The following ERBB4 variants were observed in gnomAD, a reference collection of about 807,000 sequenced individuals.
The protein encoded by ERBB4 is erb-b2 receptor tyrosine kinase 4.
A neutral mutation model predicts 158.0 loss-of-function variants in ERBB4; 42 were observed. That is an observed-to-expected ratio of 0.27 (90% CI 0.21 to 0.34). ERBB4 has a LOEUF of 0.34. Ranked by LOEUF, ERBB4 falls within the 10% of genes least tolerant of loss-of-function variation. ERBB4 has a pLI of 1.00. For missense variants in ERBB4, 1,333 were observed against 1,624.1 expected (o/e 0.82, Z 3.08); for synonymous variants, 583 against 558.7 (o/e 1.04, Z -0.61).
intron 1 of ERBB4, among the ~76,000 whole-genome samples, chr2:212,226,285 C>T (rs2083465879): frequency 6.6e-6 from 1 of 152,078 alleles, no homozygotes; most frequent in Admixed American, 6.6e-5. Flanking sequence ...AAGAGGACAT[C>T]AGTCACCAGA....
intron 4 of ERBB4, among the ~76,000 whole-genome samples, chr2:211,773,627 T>TA (rs2075783349): frequency 1.9e-5 from 1 of 52,284 alleles, no homozygotes; most frequent in South Asian, 5.2e-4. Flanking sequence ...TATATATATA[T>TA]ATATATATAT....
chr2:212,470,173 T>G (rs1689044509), intron 1 of ERBB4, among the ~76,000 whole-genome samples: 2 of 152,152 alleles, frequency 1.3e-5, no homozygotes, highest in African/African-American at 4.8e-5. Flanking sequence ...TTATTTGTTG[T>G]CACCCATACC....
intron 2 of ERBB4, among the ~76,000 whole-genome samples, chr2:212,087,767 T>A (rs1275012151): frequency 6.6e-6 from 1 of 152,138 alleles, no homozygotes; most frequent in Admixed American, 6.6e-5. Context: ...AATAACATTC[T>A]ACATTTTTAA....
intron 1 of ERBB4, among the ~76,000 whole-genome samples, chr2:212,306,509 C>T (rs1371623839): frequency 2.0e-5 from 3 of 151,398 alleles, no homozygotes; most frequent in Non-Finnish European, 4.4e-5. Flanking sequence ...AATGAAATTG[C>T]ATTTTCATCC....
intron 20 of ERBB4, among the ~76,000 whole-genome samples, chr2:211,528,567 T>C (rs1228476150): frequency 6.6e-6 from 1 of 152,030 alleles, no homozygotes; most frequent in Non-Finnish European, 1.5e-5. Context: ...ATTCCTTTCC[T>C]CAGCATACAA....
chr2:212,001,928 T>C (rs1385091399), intron 2 of ERBB4, among the ~76,000 whole-genome samples: 3 of 152,198 alleles, frequency 2.0e-5, no homozygotes, highest in Non-Finnish European at 4.4e-5. Context: ...TTCATATTAA[T>C]AGCGTGACCA....
At chr2:211,589,193 A>T (rs1431482256) in intron 19 of ERBB4, among the ~76,000 whole-genome samples, 5 of 152,154 alleles carry the variant, frequency 3.3e-5, no homozygotes, top group Non-Finnish European at 5.9e-5. Flanking sequence ...CATAATATGA[A>T]CAAAATGTTC....
intron 2 of ERBB4, among the ~76,000 whole-genome samples, chr2:211,978,396 G>GTCTTTCTGTCTA (rs77259627): frequency 7.3e-6 from 1 of 136,560 alleles, no homozygotes; most frequent in African/African-American, 2.8e-5. Flanking sequence ...CTGTCTGTCT[G>GTCTTTCTGTCTA]TCTATCTATC....
At chr2:211,798,595 A>C (rs1483583969) in intron 3 of ERBB4, among the ~76,000 whole-genome samples, 9 of 152,116 alleles carry the variant, frequency 5.9e-5, no homozygotes, top group African/African-American at 2.2e-4. Context: ...GCTATTTCAA[A>C]ATAAGTTAAT....
intron 19 of ERBB4, among the ~76,000 whole-genome samples, chr2:211,598,635 T>C (rs943820733): frequency 2.6e-5 from 4 of 152,226 alleles, no homozygotes; most frequent in African/African-American, 9.6e-5. Context: ...AAATCTATTT[T>C]ATTTCTTATT....
chr2:212,153,003 A>C (rs1227133958), intron 1 of ERBB4, among the ~76,000 whole-genome samples: 4 of 152,200 alleles, frequency 2.6e-5, no homozygotes, highest in African/African-American at 9.6e-5. Context: ...AGAGACACTT[A>C]AGGAAAATGG....
At chr2:212,039,469 T>C (rs17415606) in intron 2 of ERBB4, among the ~76,000 whole-genome samples, 12,226 of 152,230 alleles carry the variant, frequency 0.08, 693 homozygotes, top group Non-Finnish European at 0.12. Context: ...TCTTTCATTA[T>C]AGATTGAGGA....
At chr2:212,230,759 T>C (rs1034431474) in intron 1 of ERBB4, among the ~76,000 whole-genome samples, 3 of 152,184 alleles carry the variant, frequency 2.0e-5, no homozygotes, top group African/African-American at 7.2e-5. Flanking sequence ...TCTACTGACA[T>C]AACTATTTAA....
intron 12 of ERBB4, among the ~76,000 whole-genome samples, chr2:211,684,092 A>T (rs2072465677): frequency 6.6e-6 from 1 of 152,068 alleles, no homozygotes; most frequent in African/African-American, 2.4e-5. Flanking sequence ...TATTCCATCT[A>T]TCTATGAAAC....
chr2:212,517,620 C>G (rs1185849688), intron 1 of ERBB4, among the ~76,000 whole-genome samples: 11 of 152,072 alleles, frequency 7.2e-5, no homozygotes. Context: ...TTCTTTCATT[C>G]TCTTCTTTCT....
chr2:212,131,478 T>G (rs564616377), intron 1 of ERBB4, among the ~76,000 whole-genome samples: 2 of 152,150 alleles, frequency 1.3e-5, no homozygotes, highest in Non-Finnish European at 2.9e-5. Context: ...AGTACCGGGT[T>G]TCCAAACATT....
chr2:212,446,095 T>C (rs192367583), intron 1 of ERBB4, among the ~76,000 whole-genome samples: 1 of 152,292 alleles, frequency 6.6e-6, no homozygotes, highest in Non-Finnish European at 1.5e-5. Context: ...GTATGAAGGA[T>C]AGTTGTATTA....
chr2:211,747,050 C>A (rs1036574186), intron 5 of ERBB4, among the ~76,000 whole-genome samples: 1 of 151,980 alleles, frequency 6.6e-6, no homozygotes, highest in Admixed American at 6.6e-5. Context: ...CAATAACATA[C>A]GTAGTTCAAA....
intron 1 of ERBB4, among the ~76,000 whole-genome samples, chr2:212,195,785 T>C (rs1049999880): frequency 6.6e-6 from 1 of 152,150 alleles, no homozygotes; most frequent in Non-Finnish European, 1.5e-5. Flanking sequence ...AATGTTTATG[T>C]TGTGAGTTAC....
Sources: allele counts gnomAD v4.1 joint callset (sites outside exome capture counted in the v4.1 genomes callset), GRCh38; gene constraint gnomAD v4.1.1; transcripts MANE v1.5; gene names NCBI Gene and HGNC (gene_info 2026-07-23, HGNC 2026-07-21).